RTN4: variants seen among roughly 807,000 people sequenced by gnomAD.
The protein encoded by RTN4 is reticulon-4.
In RTN4, 32 loss-of-function variants were observed where a neutral mutation model predicts 90.4. The observed-to-expected ratio is 0.35, with a 90% confidence interval of 0.27 to 0.48. The LOEUF is 0.48. RTN4 is among the 20% of genes least tolerant of loss of function. RTN4 has a pLI of 0.99. For missense variants in RTN4, 1,706 were observed against 1,430.2 expected, an observed-to-expected ratio of 1.19 and a Z score of -3.11; for synonymous variants, 629 against 552.5, an observed-to-expected ratio of 1.14 and a Z score of -1.94.
chr2:55,059,183 T>C (rs1252207240), intron 2 of RTN4, among the ~76,000 whole-genome samples: 2 of 152,214 alleles, frequency 1.3e-5, no homozygotes, highest in East Asian at 3.8e-4. Context: ...GAAATTTCAT[T>C]GTCAAAGCTC....
chr2:55,027,085 G>A lies in RTN4; in HGVS notation c.1014C>T (p.Asn338=), dbSNP rs964619051. The A allele has an allele frequency of 1.2e-6, 2 of 1,613,138 alleles. No individual in the cohort carries two copies. Among genetic ancestry groups the A allele is most frequent in the East Asian group, 2.2e-5 (1 of 44,834 alleles). Residue 338 remains asparagine (N), a synonymous_variant, in exon 3 of 9, where the codon AAC becomes AAT. Coordinates refer to ENST00000337526, the MANE Select transcript of RTN4 (RefSeq NM_020532.5). The part of the protein sequence containing the change: ...KDEEEKLVSN[N]ILHNQQELPT... ...GTAACTCTTGTTGATTATGAAGGAT[G>A]TTATTACTAACTAACTTCTCTTCTT... is the stretch of plus-strand genomic sequence containing the variant.
chr2:55,057,508 C>A (rs1419563841), intron 2 of RTN4, among the ~76,000 whole-genome samples: 3 of 152,116 alleles, frequency 2.0e-5, no homozygotes, highest in African/African-American at 7.2e-5. Context: ...ATTATTATTG[C>A]TACTATTAGA....
Position 55,050,442 on chromosome 2 carries a change from C to T in RTN4, c.-142G>A. On this transcript the variant is annotated 5_prime_UTR_variant, in exon 1 of 9. Coordinates refer to ENST00000337526, the MANE Select transcript of RTN4 (RefSeq NM_020532.5). The surrounding 1 kb of genome is among the most constrained non-coding windows in gnomAD (Gnocchi z 4.6). ...GAGGGACCTACTGTGGTGACGGCTC[C>T]CGGAACAATGAGACTGCTCCTCCTG... 2 of 450,334 alleles carry T rather than the reference C, an allele frequency of 4.4e-6. No individual in the cohort carries two copies. Among genetic ancestry groups the T allele is most frequent in the Non-Finnish European group, 7.6e-6 (2 of 263,974 alleles). The allele number at this position is 450,334 out of a possible 1,614,324, so 27.9% of individuals were successfully genotyped here. A position where few individuals can be genotyped will look rare whatever the true frequency, so the allele number is the denominator to read the frequency against.
intron 1 of RTN4, among the ~76,000 whole-genome samples, chr2:55,103,983 C>T (rs983842784): frequency 2.0e-5 from 3 of 151,898 alleles, no homozygotes; most frequent in Non-Finnish European, 4.4e-5. Context: ...GAATGAGCCA[C>T]CGCACCTGGC....
chr2:55,089,952 C>G (rs1487926320), intron 1 of RTN4, among the ~76,000 whole-genome samples: 1 of 152,188 alleles, frequency 6.6e-6, no homozygotes, highest in Non-Finnish European at 1.5e-5. Flanking sequence ...GGTCCCCACC[C>G]CAAGCAGCTG....
intron 3 of RTN4, among the ~76,000 whole-genome samples, chr2:54,996,066 C>A (rs1406036019): frequency 6.6e-6 from 1 of 152,134 alleles, no homozygotes; most frequent in Non-Finnish European, 1.5e-5. Context: ...TTTCTATACA[C>A]TAGCAATAAA....
chr2:54,975,990 A>T (rs918520319), intron 5 of RTN4, among the ~76,000 whole-genome samples: 1 of 152,152 alleles, frequency 6.6e-6, no homozygotes, highest in African/African-American at 2.4e-5. Context: ...GACTTCAGTT[A>T]GTAAGGCTTT....
chr2:54,974,567 T>G, intron 6 of RTN4, 128 bp downstream of exon 6: 1 of 774,584 alleles, frequency 1.3e-6, no homozygotes, highest in Non-Finnish European at 2.2e-6. Flanking sequence ...AGGCATGAGC[T>G]ACCGCGCCCG....
chr2:55,087,457 C>T (rs1244662398), intron 1 of RTN4, among the ~76,000 whole-genome samples: 1 of 152,132 alleles, frequency 6.6e-6, no homozygotes, highest in East Asian at 1.9e-4. Context: ...GTTTTCAAAA[C>T]TTCATAGAAA....
Position 55,025,654 on chromosome 2 carries a change from T to C in RTN4, c.2445A>G (p.Leu815=). 1 of 1,613,858 alleles carries C rather than the reference T, an allele frequency of 6.2e-7. No homozygotes were observed. The highest frequency in any genetic ancestry group is 1.1e-5 in the South Asian group (1 of 91,074). The part of the protein sequence containing the change: ...LSLDNTKDTL[L]PDEVSTLSKK... ...TGCTCAATGTTGAAACTTCATCAGG[T>C]AACAGGGTATCTTTTGTGTTATCTA... Residue 815 remains leucine (L), a synonymous_variant, in exon 3 of 9, where the codon TTA becomes TTG. Transcript: ENST00000337526.
At chr2:55,035,516 A>G (rs540575739) in intron 1 of RTN4, among the ~76,000 whole-genome samples, 1 of 152,302 alleles carries the variant, frequency 6.6e-6, no homozygotes, top group South Asian at 2.1e-4. Context: ...TTTTAGAAAA[A>G]AGGCTTAAAA....
chr2:54,976,259 G>A (rs571416199), intron 5 of RTN4, among the ~76,000 whole-genome samples: 54 of 152,326 alleles, frequency 3.5e-4, no homozygotes, highest in African/African-American at 1.1e-3. Context: ...TTCACTCCAA[G>A]TCCACAGGGG....
chr2:54,977,269 CCACTTCCTTCTAA>C, intron 5 of RTN4, among the ~76,000 whole-genome samples: 1 of 152,150 alleles, frequency 6.6e-6, no homozygotes, highest in African/African-American at 2.4e-5. Flanking sequence ...TATCCCCAGC[CCACTTCCTTCTAA>C]TTTTTCTGAG....
At position 54,982,650 on chromosome 2, in the gene RTN4, T is replaced by A. The variant is rs779972934; in HGVS notation, c.3225A>T (p.Ala1075=). 11 of 1,604,326 alleles carry A rather than the reference T, an allele frequency of 6.9e-6. No individual in the cohort carries two copies. The highest frequency in any genetic ancestry group is 3.3e-4 in the Middle Eastern group (2 of 6,026). The change falls in exon 5 of 9, where the codon GCA becomes GCT. Residue 1075 remains alanine (A), a synonymous_variant. Transcript: ENST00000337526. Reference sequence around the variant, plus strand: ...ATATAGCAACTTCAGATTCCAGATATGCCCTAGAAAACAAAACACATCATA... The same window carrying A: ...ATATAGCAACTTCAGATTCCAGATAAGCCCTAGAAAACAAAACACATCATA... ...QKSDEGHPFR[A]YLESEVAISE...
At chr2:54,993,579 G>A (rs770387388) in intron 3 of RTN4, among the ~76,000 whole-genome samples, 2 of 152,078 alleles carry the variant, frequency 1.3e-5, no homozygotes, top group Non-Finnish European at 2.9e-5. Context: ...CTAGGAACAC[G>A]GTCTTTTCAA....
chr2:55,019,703 G>A (rs1273685943), intron 3 of RTN4, among the ~76,000 whole-genome samples: 1 of 152,108 alleles, frequency 6.6e-6, no homozygotes, highest in Non-Finnish European at 1.5e-5. Flanking sequence ...AATAAAGACT[G>A]AAATGGGAAG....
rs568643871 is a variant in RTN4, at chr2:55,025,851, C to T, written c.2248G>A (p.Asp750Asn). Residue 750 changes from aspartate (D) to asparagine (N), a missense_variant, in exon 3 of 9, where the codon GAT (aspartate) becomes AAT (asparagine). Coordinates refer to ENST00000337526, the MANE Select transcript of RTN4 (RefSeq NM_020532.5). ...PDSEPVDLFS[D>N]DSIPDVPQKQ... ...TGTGGAACGTCAGGTATTGAATCAT[C>T]ACTAAATAAGTCAACTGGTTCAGAA... 2.5e-6 allele frequency: 4 copies of T among 1,613,746 alleles called. No individual in the cohort carries two copies. The East Asian group carries it at 8.9e-5, about 36-fold the overall frequency.
intron 1 of RTN4, among the ~76,000 whole-genome samples, chr2:55,107,682 G>T (rs559126907): frequency 1.4e-4 from 22 of 152,202 alleles, no homozygotes; most frequent in Non-Finnish European, 3.1e-4. Context: ...GCTCTGGGTA[G>T]ATAAAGGGTG....
At chr2:55,036,599 C>CAAAAAAAAAAAAAAAAA (rs71410411) in intron 1 of RTN4, among the ~76,000 whole-genome samples, 1 of 72,988 alleles carries the variant, frequency 1.4e-5, no homozygotes, top group Non-Finnish European at 2.6e-5. Flanking sequence ...AAGACTGTCT[C>CAAAAAAAAAAAAAAAAA]AAAAAAAAAA....
Sources: allele counts gnomAD v4.1 joint callset (sites outside exome capture counted in the v4.1 genomes callset), GRCh38; gene constraint gnomAD v4.1.1; non-coding constraint Gnocchi (gnomAD v3.1); transcripts MANE v1.5; gene names NCBI Gene and HGNC (gene_info 2026-07-23, HGNC 2026-07-21).